RHOT1: variants seen among roughly 807,000 people sequenced by gnomAD.
RHOT1 encodes the protein mitochondrial Rho GTPase 1.
Under a neutral mutation model 95.3 loss-of-function variants are expected in RHOT1, and 27 were observed. That is an observed-to-expected ratio of 0.28 (90% CI 0.21 to 0.39). The LOEUF (loss-of-function observed/expected upper bound fraction) is 0.39. RHOT1 is among the 10% of genes least tolerant of loss of function. The pLI, the probability that RHOT1 is intolerant of heterozygous loss-of-function variation, is 1.00. For missense variants in RHOT1, 578 were observed against 786.7 expected (o/e 0.73, Z 3.17); for synonymous variants, 227 against 263.5 (o/e 0.86, Z 1.34).
chr17:32,154,480 G>A (rs1417320981), intron 1 of RHOT1, among the ~76,000 whole-genome samples: 4 of 151,414 alleles, frequency 2.6e-5, no homozygotes, highest in African/African-American at 9.7e-5. Flanking sequence ...CCAGCTACTC[G>A]GGAGGCTGAG....
At chr17:32,163,357 T>C (rs1196975289) in intron 1 of RHOT1, among the ~76,000 whole-genome samples, 7 of 152,200 alleles carry the variant, frequency 4.6e-5, no homozygotes, top group Admixed American at 3.9e-4. Flanking sequence ...TTGACAGATC[T>C]TGACTGCTAA....
chr17:32,187,505 G>A lies in RHOT1; in HGVS notation c.540+4233G>A, dbSNP rs2036150737. Among the ~76,000 whole-genome samples, 3 of 152,228 alleles carry A rather than the reference G, an allele frequency of 2.0e-5. No homozygotes were observed. In the South Asian group the frequency reaches 6.2e-4, roughly 32 times the overall value. On this transcript the variant is annotated intron_variant, in intron 8 of 19. Coordinates refer to ENST00000545287, the MANE Select transcript of RHOT1 (RefSeq NM_001033566.3). ...AGATATCTTTCAGGAAAAGTTTATA[G>A]TATAAGTGAGTGGTTAGCAATGACT...
intron 2 of RHOT1, among the ~76,000 whole-genome samples, chr17:32,172,354 A>G (rs1034065568): frequency 6.6e-6 from 1 of 152,240 alleles, no homozygotes; most frequent in Non-Finnish European, 1.5e-5. Context: ...TATAACACCT[A>G]AAAGTTTTCT....
In RHOT1 at chr17:32,207,008, A is replaced by G. The variant is rs1218143589; in HGVS notation, c.1515A>G (p.Glu505=). 4 of 1,611,568 alleles carry G rather than the reference A, an allele frequency of 2.5e-6. No individual in the cohort carries two copies. The highest frequency in any genetic ancestry group is 2.7e-5 in the African/African-American group (2 of 74,744). Residue 505 remains glutamate (E), a synonymous_variant, in exon 17 of 20, where the codon GAA becomes GAG. Coordinates refer to ENST00000545287, the MANE Select transcript of RHOT1 (RefSeq NM_001033566.3). ...VYDVSNPKSF[E]YCARIFKQHF... ...ATGTCAGCAATCCCAAATCCTTTGAATACTGTGCCAGGATTTTTAAGGTTT... is the reference window on the plus strand; with the variant it reads ...ATGTCAGCAATCCCAAATCCTTTGAGTACTGTGCCAGGATTTTTAAGGTTT...
intron 19 of RHOT1, among the ~76,000 whole-genome samples, chr17:32,223,321 T>C (rs777772191): frequency 1.3e-5 from 2 of 152,168 alleles, no homozygotes; most frequent in Non-Finnish European, 2.9e-5. Context: ...TTTAATGATA[T>C]CTGACTTTTG....
chr17:32,191,905 A>G (rs2036518203), intron 8 of RHOT1, among the ~76,000 whole-genome samples: 1 of 152,194 alleles, frequency 6.6e-6, no homozygotes, highest in East Asian at 1.9e-4. Flanking sequence ...ATAAATAAAC[A>G]GTTCTTCTTT....
intron 1 of RHOT1, among the ~76,000 whole-genome samples, chr17:32,169,708 A>T (rs1302865966): frequency 6.6e-6 from 1 of 152,226 alleles, no homozygotes; most frequent in African/African-American, 2.4e-5. Context: ...CATTGTTTAT[A>T]AAAGTGAAAA....
At chr17:32,209,390 C>CACACTG (rs1567723837) in intron 18 of RHOT1, 2 of 1,611,166 alleles carry the variant, frequency 1.2e-6, no homozygotes, top group African/African-American at 1.3e-5. Flanking sequence ...AGACATGGGC[C>CACACTG]ACACTGATAG....
At chr17:32,217,762 A>C (rs1421845930) in intron 19 of RHOT1, among the ~76,000 whole-genome samples, 2 of 151,770 alleles carry the variant, frequency 1.3e-5, no homozygotes, top group Non-Finnish European at 2.9e-5. Flanking sequence ...TCAAAAAAAA[A>C]AAAAGAAAGA....
intron 19 of RHOT1, among the ~76,000 whole-genome samples, chr17:32,213,315 G>A (rs1442402510): frequency 6.6e-6 from 1 of 152,054 alleles, no homozygotes; most frequent in African/African-American, 2.4e-5. Context: ...TCTAAGCATT[G>A]TGTTATTTGC....
intron 8 of RHOT1, among the ~76,000 whole-genome samples, chr17:32,191,891 A>G (rs531894422): frequency 1.3e-5 from 2 of 152,318 alleles, no homozygotes; most frequent in East Asian, 1.9e-4. Context: ...GAGGGAAGAT[A>G]TAAATAAATA....
chr17:32,177,727 C>T (rs1357926933), intron 6 of RHOT1, among the ~76,000 whole-genome samples: 3 of 145,174 alleles, frequency 2.1e-5, no homozygotes, highest in African/African-American at 7.6e-5. Flanking sequence ...TGCACTCCAG[C>T]CTGGGCAACA....
At chr17:32,158,709 C>T (rs1170595463) in intron 1 of RHOT1, among the ~76,000 whole-genome samples, 1 of 152,182 alleles carries the variant, frequency 6.6e-6, no homozygotes, top group African/African-American at 2.4e-5. Context: ...CCGCCCACCT[C>T]AGCCTCCCAA....
At chr17:32,192,644 T>C (rs1298979375) in intron 9 of RHOT1, among the ~76,000 whole-genome samples, 3 of 151,758 alleles carry the variant, frequency 2.0e-5, no homozygotes, top group South Asian at 2.1e-4. Context: ...AATGTTTCTT[T>C]CTAAGAATGA....
chr17:32,189,168 G>A (rs1376655301), intron 8 of RHOT1, among the ~76,000 whole-genome samples: 7 of 152,114 alleles, frequency 4.6e-5, no homozygotes, highest in Non-Finnish European at 1.0e-4. Flanking sequence ...GCGTGGTGGC[G>A]GGCACCTGTA....
intron 6 of RHOT1, chr17:32,179,785 C>A (rs1235475711): frequency 1.3e-5 from 2 of 151,952 alleles, no homozygotes; most frequent in Non-Finnish European, 2.9e-5. Flanking sequence ...TGCCCGGCCA[C>A]CCCGTCTGGG....
At position 32,149,696 on chromosome 17, in the gene RHOT1, CATAT is replaced by C. The variant is rs1312114347; in HGVS notation, c.37+6973_37+6976del. On this transcript the variant is annotated intron_variant, in intron 1 of 19. Transcript: ENST00000545287. Reference sequence around the variant, plus strand: ...ATGCATACATACATACACTCACACACATATATATACACACATACACATATATATA... The same window carrying C: ...ATGCATACATACATACACTCACACACATATACACACATACACATATATATA... Among the ~76,000 whole-genome samples the C allele has an allele frequency of 3.5e-5, 5 of 142,536 alleles. No individual in the cohort carries two copies. In the East Asian group the frequency reaches 8.2e-4, roughly 23 times the overall value. 93.5% of individuals were successfully genotyped at this position (142,536 alleles called of 152,430 possible). A position where few individuals can be genotyped will look rare whatever the true frequency, so the allele number is the denominator to read the frequency against.
chr17:32,158,425 T>C (rs2033186801), intron 1 of RHOT1, among the ~76,000 whole-genome samples: 1 of 152,066 alleles, frequency 6.6e-6, no homozygotes, highest in Non-Finnish European at 1.5e-5. Flanking sequence ...TTTTTGTTTG[T>C]TTGTTTTTTG....
At chr17:32,200,349 A>AT (rs2037220167) in intron 13 of RHOT1, among the ~76,000 whole-genome samples, 1 of 151,742 alleles carries the variant, frequency 6.6e-6, no homozygotes. Flanking sequence ...CTCTATCTAG[A>AT]TTTTACCAGC....
Sources: gnomAD v4.1 joint callset for allele counts (sites outside exome capture counted in the v4.1 genomes callset) on GRCh38, gnomAD v4.1.1 for gene constraint, MANE v1.5 for transcripts, NCBI Gene and HGNC (gene_info 2026-07-23, HGNC 2026-07-21) for gene names.